The following CDKAL1 variants were observed in gnomAD, a reference collection of about 807,000 sequenced individuals.
The protein encoded by CDKAL1 is threonylcarbamoyladenosine tRNA methylthiotransferase.
A neutral mutation model predicts 68.2 loss-of-function variants in CDKAL1; 32 were observed. The observed-to-expected ratio is 0.47, with a 90% CI of 0.35 to 0.63. CDKAL1 has a LOEUF of 0.63. Among genes scored for constraint, CDKAL1 ranks in the 30% least tolerant of loss-of-function variants. The pLI is 0.00. For missense variants in CDKAL1, 606 were observed against 696.7 expected, an observed-to-expected ratio of 0.87 and a Z score of 1.47; for synonymous variants, 234 against 244.3, an observed-to-expected ratio of 0.96 and a Z score of 0.39.
intron 7 of CDKAL1, among the ~76,000 whole-genome samples, chr6:20,777,630 G>GA (rs1775229390): frequency 6.6e-6 from 1 of 151,746 alleles, no homozygotes; most frequent in Non-Finnish European, 1.5e-5. Flanking sequence ...AAACAAAACG[G>GA]AAAAAAACAT....
rs143818862 is a variant in CDKAL1, at chr6:20,945,771, C to A, written c.743-9648C>A. ...TTTCTTTCCCTCTAGGTGATACCAA[C>A]TAAAAACCATACATTGTTACTGGTC... On this transcript the variant is annotated intron_variant, in intron 9 of 15. Transcript: ENST00000274695. Among the ~76,000 whole-genome samples the A allele has an allele frequency of 1.8e-3, 276 of 152,286 alleles. 3 individuals are homozygous for A. The East Asian group carries it at 0.031, about 17-fold the overall frequency.
chr6:20,675,368 T>C (rs1770040828), intron 5 of CDKAL1, among the ~76,000 whole-genome samples: 1 of 152,204 alleles, frequency 6.6e-6, no homozygotes, highest in South Asian at 2.1e-4. Flanking sequence ...CTGTATATGT[T>C]CTTTAGAAAT....
intron 5 of CDKAL1, among the ~76,000 whole-genome samples, chr6:20,728,825 A>G (rs1286128259): frequency 2.6e-5 from 4 of 152,212 alleles, no homozygotes; most frequent in South Asian, 2.1e-4. Context: ...TTGTGGAAAC[A>G]TTTTTATTAG....
chr6:20,554,020 A>G lies in CDKAL1; in HGVS notation c.286+5315A>G, dbSNP rs1039578444. 2.0e-5 allele frequency among the ~76,000 whole-genome samples: 3 copies of G among 150,008 alleles called. No homozygotes were observed. In the East Asian group the frequency reaches 5.9e-4, roughly 29 times the overall value. On this transcript the variant is annotated intron_variant, in intron 4 of 15. Transcript: ENST00000274695. ...TTTTTAGTAACGATGGGGTTTTGCC[A>G]TGTTGGCCAGACTGGTCTAACTCCT...
intron 11 of CDKAL1, among the ~76,000 whole-genome samples, chr6:21,008,962 T>A (rs934876026): frequency 6.6e-6 from 1 of 152,228 alleles, no homozygotes; most frequent in African/African-American, 2.4e-5. Context: ...TTAGAGATTC[T>A]GTGGACCCCC....
chr6:21,115,676 C>A (rs975403625), intron 13 of CDKAL1, among the ~76,000 whole-genome samples: 1 of 152,126 alleles, frequency 6.6e-6, no homozygotes, highest in Admixed American at 6.5e-5. Flanking sequence ...TGATGAGATT[C>A]CCTATTGTTT....
chr6:20,874,825 AAG>A (rs1410601375), intron 9 of CDKAL1, among the ~76,000 whole-genome samples: 1 of 152,020 alleles, frequency 6.6e-6, no homozygotes, highest in Non-Finnish European at 1.5e-5. Context: ...TATTCCTGAA[AAG>A]AGGCATCTTA....
chr6:21,127,942 T>G (rs1205277250), intron 13 of CDKAL1, among the ~76,000 whole-genome samples: 1 of 152,226 alleles, frequency 6.6e-6, no homozygotes, highest in Non-Finnish European at 1.5e-5. Context: ...GAATAAGTTA[T>G]TTATTTTCTT....
chr6:20,596,649 G>A (rs1765838768), intron 4 of CDKAL1, among the ~76,000 whole-genome samples: 1 of 152,186 alleles, frequency 6.6e-6, no homozygotes, highest in African/African-American at 2.4e-5. Flanking sequence ...CCTGGCTTCA[G>A]CCCCCTTTCC....
At chr6:20,667,645 G>A (rs151125245) in intron 5 of CDKAL1, among the ~76,000 whole-genome samples, 1 of 151,994 alleles carries the variant, frequency 6.6e-6, no homozygotes, top group Non-Finnish European at 1.5e-5. Flanking sequence ...CTTCTGCCAC[G>A]TTCAATGTGA....
intron 8 of CDKAL1, among the ~76,000 whole-genome samples, chr6:20,782,513 A>G (rs1340979318): frequency 1.3e-5 from 2 of 152,138 alleles, no homozygotes; most frequent in African/African-American, 2.4e-5. Flanking sequence ...CCTTCATTCA[A>G]ACATTATAAT....
rs566987461 is a variant in CDKAL1, at chr6:21,056,054, A to C, written c.1056-8994A>C. On this transcript the variant is annotated intron_variant, in intron 11 of 15. Transcript: ENST00000274695. ...ATCTGTTGTTTCTTGACTTTTTACT[A>C]ATTGCCATTCTGACTGGTGTGAGAT... Among the ~76,000 whole-genome samples the C allele has an allele frequency of 1.1e-4, 16 of 152,184 alleles. No homozygotes were observed. The East Asian group carries it at 2.5e-3, about 24-fold the overall frequency.
At chr6:21,175,602 G>A (rs1777544922) in intron 13 of CDKAL1, among the ~76,000 whole-genome samples, 2 of 152,160 alleles carry the variant, frequency 1.3e-5, no homozygotes, top group South Asian at 2.1e-4. Flanking sequence ...ACATGGTTAT[G>A]TGTGTCATTT....
chr6:20,649,758 C>T (rs1047049627), intron 5 of CDKAL1, among the ~76,000 whole-genome samples: 1 of 152,120 alleles, frequency 6.6e-6, no homozygotes, highest in Non-Finnish European at 1.5e-5. Context: ...ATGTTGTTCC[C>T]CTCCCTGTGT....
chr6:20,753,968 T>A (rs1774053152), intron 6 of CDKAL1, among the ~76,000 whole-genome samples: 2 of 151,690 alleles, frequency 1.3e-5, no homozygotes, highest in Admixed American at 1.3e-4. Context: ...TGTGTGTGTG[T>A]GTGTGTGTGT....
At chr6:20,604,109 A>G (rs1461861887) in intron 4 of CDKAL1, among the ~76,000 whole-genome samples, 1 of 152,152 alleles carries the variant, frequency 6.6e-6, no homozygotes, top group Non-Finnish European at 1.5e-5. Flanking sequence ...GTTAAAGGGC[A>G]TCTACTGCAA....
At chr6:21,192,648 T>C (rs1433101857) in intron 13 of CDKAL1, among the ~76,000 whole-genome samples, 2 of 152,132 alleles carry the variant, frequency 1.3e-5, no homozygotes, top group Non-Finnish European at 2.9e-5. Flanking sequence ...GGAAATACTA[T>C]AGCATTTGTA....
At chr6:20,765,368 G>A (rs1774652581) in intron 7 of CDKAL1, among the ~76,000 whole-genome samples, 1 of 33,276 alleles carries the variant, frequency 3.0e-5, no homozygotes, top group Admixed American at 3.0e-4. Context: ...GTTTTAGCCG[G>A]GATGGTCTCG....
At chr6:20,903,173 T>G in intron 9 of CDKAL1, among the ~76,000 whole-genome samples, 1 of 152,208 alleles carries the variant, frequency 6.6e-6, no homozygotes, top group East Asian at 1.9e-4. Context: ...TCTCACTCTC[T>G]CTGTCACTCC....
Sources: gnomAD v4.1 joint callset for allele counts (sites outside exome capture counted in the v4.1 genomes callset) on GRCh38, gnomAD v4.1.1 for gene constraint, MANE v1.5 for transcripts, NCBI Gene and HGNC (gene_info 2026-07-23, HGNC 2026-07-21) for gene names.